RHOQ: variants seen among roughly 807,000 people sequenced by gnomAD.
RHOQ encodes ras homolog family member Q.
Under a neutral mutation model 25.8 loss-of-function variants are expected in RHOQ, and 7 were observed. The ratio of observed to expected loss-of-function variants is 0.27; its 90% confidence interval spans 0.15 to 0.51. RHOQ has a LOEUF of 0.51. RHOQ is among the 20% of genes least tolerant of loss of function. The probability of loss-of-function intolerance (pLI) is 0.97; values close to 1 mark genes in which losing one functional copy is unlikely to be tolerated. For synonymous variants in RHOQ, 97 were observed against 98.6 expected (o/e 0.98, Z 0.10); for missense variants, 165 against 260.6 (o/e 0.63, Z 2.53).
chr2:46,577,386 C>T (rs998806675), intron 4 of RHOQ, among the ~76,000 whole-genome samples: 5 of 147,912 alleles, frequency 3.4e-5, no homozygotes, highest in African/African-American at 1.2e-4. Context: ...AAACAGAATC[C>T]ATATATGGTC....
rs910996640 is a variant in RHOQ at position 46,569,485 on chromosome 2, A to G, written c.202-6602A>G. 6.6e-6 allele frequency: 1 copy of G among 152,144 alleles called. No individual in the cohort carries two copies. The highest frequency in any genetic ancestry group is 2.4e-5 in the African/African-American group (1 of 41,426). 9.4% of individuals were successfully genotyped at this position (152,144 alleles called of 1,614,324 possible). ...AGGAAGTGCCAGTTCGTCACAACAC[A>G]GTTAGATAATGACAAGGCCAGTCCT... On this transcript the variant is annotated intron_variant, in intron 2 of 4. Coordinates refer to ENST00000238738, the MANE Select transcript of RHOQ (RefSeq NM_012249.4). The surrounding 1 kb of genome is among the most constrained non-coding windows in gnomAD (Gnocchi z 4.1).
At chr2:46,544,658 A>G (rs1309899595) in intron 2 of RHOQ, among the ~76,000 whole-genome samples, 1 of 152,134 alleles carries the variant, frequency 6.6e-6, no homozygotes, top group Admixed American at 6.5e-5. Flanking sequence ...TGCTCTGGGG[A>G]TAAGTTGTGT....
Position 46,566,727 on chromosome 2 carries a change from C to T in RHOQ, c.202-9360C>T, listed in dbSNP as rs1234517222. 6.6e-6 allele frequency among the ~76,000 whole-genome samples: 1 copy of T among 152,160 alleles called. No individual in the cohort carries two copies. Among genetic ancestry groups the T allele is most frequent in the African/African-American group, 2.4e-5 (1 of 41,424 alleles). On this transcript the variant is annotated intron_variant, in intron 2 of 4. Coordinates refer to ENST00000238738, the MANE Select transcript of RHOQ (RefSeq NM_012249.4). The surrounding 1 kb of genome is among the most constrained non-coding windows in gnomAD (Gnocchi z 4.2). The stretch of plus-strand genomic sequence containing the variant: ...GCCCCACCTGTCACCTGGCCTTTCC[C>T]TGTGGTCTTCAGTATGTCAGGGCTT...
At chr2:46,560,550 C>T in intron 2 of RHOQ, 1 of 455,972 alleles carries the variant, frequency 2.2e-6, no homozygotes, top group South Asian at 1.5e-5. Flanking sequence ...AGTTGGATTT[C>T]TGGGAGGAGA....
intron 4 of RHOQ, among the ~76,000 whole-genome samples, chr2:46,578,569 CAAAAAAAAAAAAAAAAAA>C (rs755333304): frequency 3.3e-3 from 80 of 24,074 alleles, no homozygotes; most frequent in South Asian, 0.03. Context: ...CCATCTCTAC[CAAAAAAAAAAAAAAAAAA>C]AAAAAAAAAA....
rs1209453869 is a variant in RHOQ, at chr2:46,552,756, AGATCTGTCAGGCACAGGCCTG to A, written c.201+8946_201+8966del. ...ATCTGGGCCAGGGGCAGGTGTTAGA[AGATCTGTCAGGCACAGGCCTG>A]GCCCCCAGAGGCACAGTGTTTTGAA... On this transcript the variant is annotated intron_variant, in intron 2 of 4. Coordinates refer to ENST00000238738, the MANE Select transcript of RHOQ (RefSeq NM_012249.4). This position sits in a 1 kb window ranked among gnomAD's most constrained non-coding sequence, Gnocchi z 5.0. Among the ~76,000 whole-genome samples, 3 of 152,330 alleles carry A rather than the reference AGATCTGTCAGGCACAGGCCTG, an allele frequency of 2.0e-5. No individual in the cohort carries two copies. The highest frequency in any genetic ancestry group is 7.2e-5 in the African/African-American group (3 of 41,574).
chr2:46,543,228 G>A (rs747570228), intron 1 of RHOQ, 40 bp downstream of exon 1: 3 of 1,608,376 alleles, frequency 1.9e-6, no homozygotes, highest in East Asian at 2.3e-5. Flanking sequence ...CGCTCCCCGG[G>A]CCGGGAACTT....
chr2:46,572,545 G>A (rs1438106988), intron 2 of RHOQ, among the ~76,000 whole-genome samples: 1 of 152,168 alleles, frequency 6.6e-6, no homozygotes, highest in African/African-American at 2.4e-5. Context: ...AAGCTAAAGA[G>A]TCTGCCATGC....
intron 2 of RHOQ, chr2:46,560,600 T>C (rs753237145): frequency 2.2e-6 from 1 of 456,238 alleles, no homozygotes; most frequent in South Asian, 1.5e-5. Flanking sequence ...GTGATCACGT[T>C]TTCCTTCCAT....
intron 2 of RHOQ, among the ~76,000 whole-genome samples, chr2:46,557,479 T>C (rs961009083): frequency 6.6e-6 from 1 of 151,954 alleles, no homozygotes; most frequent in African/African-American, 2.4e-5. Flanking sequence ...TATAGTATGA[T>C]TAAAACTTTA....
chr2:46,570,350 G>C (rs747051779), intron 2 of RHOQ, among the ~76,000 whole-genome samples: 5 of 152,038 alleles, frequency 3.3e-5, no homozygotes, highest in African/African-American at 7.2e-5. Flanking sequence ...AGAGGCATGA[G>C]AATTGCTTGA....
chr2:46,574,179 G>C (rs1216048733), intron 2 of RHOQ, among the ~76,000 whole-genome samples: 1 of 152,186 alleles, frequency 6.6e-6, no homozygotes, highest in African/African-American at 2.4e-5. Flanking sequence ...AATCCTAAGG[G>C]ATAGTATCCC....
chr2:46,550,756 C>T (rs985262243), intron 2 of RHOQ, among the ~76,000 whole-genome samples: 1 of 152,168 alleles, frequency 6.6e-6, no homozygotes, highest in Non-Finnish European at 1.5e-5. Flanking sequence ...TGATGTATGT[C>T]GTTACCCTGT....
At chr2:46,558,509 T>A (rs1485644642) in intron 2 of RHOQ, among the ~76,000 whole-genome samples, 1 of 152,176 alleles carries the variant, frequency 6.6e-6, no homozygotes, top group Non-Finnish European at 1.5e-5. Context: ...TGTTTAGAAG[T>A]CCCCTGCCAA....
At chr2:46,580,471 A>T (rs1040114179) in intron 4 of RHOQ, 2 of 152,434 alleles carry the variant, frequency 1.3e-5, no homozygotes, top group African/African-American at 2.4e-5. Context: ...CACTGCTCAA[A>T]CTTCCCCATT....
At chr2:46,553,985 A>G (rs1304495992) in intron 2 of RHOQ, among the ~76,000 whole-genome samples, 1 of 151,970 alleles carries the variant, frequency 6.6e-6, no homozygotes, top group African/African-American at 2.4e-5. Flanking sequence ...CATGAGTTCA[A>G]TTGTTTTGAT....
chr2:46,562,262 G>T lies in RHOQ; in HGVS notation c.202-13825G>T, dbSNP rs973699003. On this transcript the variant is annotated intron_variant, in intron 2 of 4. Coordinates refer to ENST00000238738, the MANE Select transcript of RHOQ (RefSeq NM_012249.4). ...TTCCACCACTTCACCGAGAGCCTGG[G>T]CTCAGCTGCTGCCCTCACTGCCCTG... 6.6e-5 allele frequency among the ~76,000 whole-genome samples: 10 copies of T among 152,016 alleles called. 1 individual carries two copies. The highest frequency in any genetic ancestry group is 4.6e-4 in the Admixed American group (7 of 15,246).
chr2:46,546,451 CAT>C (rs58602087), intron 2 of RHOQ, among the ~76,000 whole-genome samples: 1,065 of 46,874 alleles, frequency 0.023, 24 homozygotes, highest in Non-Finnish European at 0.037. Context: ...TACACATATA[CAT>C]ATATATATAT....
intron 1 of RHOQ, 115 bp downstream of exon 1, chr2:46,543,303 C>A: frequency 8.1e-7 from 1 of 1,236,746 alleles, no homozygotes; most frequent in South Asian, 1.3e-5. Flanking sequence ...CCTCCCCCGC[C>A]GCGCCCTCTG....
Sources: gnomAD v4.1 joint callset for allele counts (sites outside exome capture counted in the v4.1 genomes callset) on GRCh38, gnomAD v4.1.1 for gene constraint, Gnocchi (gnomAD v3.1) non-coding constraint, MANE v1.5 for transcripts, NCBI Gene and HGNC (gene_info 2026-07-23, HGNC 2026-07-21) for gene names.